Variants in TANK observed in about 807,000 individuals in gnomAD.
TANK encodes the protein TRAF family member associated NFKB activator, also known as TRAF family member-associated NF-kappa-B activator.
TANK carries 15 observed loss-of-function variants against 43.6 expected under a neutral mutation model. The ratio of observed to expected loss-of-function variants is 0.34; its 90% CI spans 0.23 to 0.53. The LOEUF is 0.53. TANK is among the 20% of genes least tolerant of loss of function. The pLI is 0.94. For missense variants in TANK, 417 were observed against 498.6 expected (o/e 0.84, Z 1.56); for synonymous variants, 162 against 178.2 (o/e 0.91, Z 0.73).
At chr2:161,220,833 C>G (rs1334328613) in intron 4 of TANK, among the ~76,000 whole-genome samples, 2 of 152,040 alleles carry the variant, frequency 1.3e-5, no homozygotes, top group African/African-American at 4.8e-5. Flanking sequence ...TCTAACATAT[C>G]CTAGAATGGG....
chr2:161,218,522 AC>A (rs1436490111), intron 4 of TANK, among the ~76,000 whole-genome samples: 2 of 152,204 alleles, frequency 1.3e-5, no homozygotes, highest in Non-Finnish European at 2.9e-5. Flanking sequence ...ATAATTAAAT[AC>A]GTAATTCAGA....
At chr2:161,190,018 G>A (rs1290498338) in intron 2 of TANK, among the ~76,000 whole-genome samples, 6 of 152,102 alleles carry the variant, frequency 3.9e-5, no homozygotes, top group Non-Finnish European at 8.8e-5. Flanking sequence ...GTGCGTCAAA[G>A]GGCACTATCA....
chr2:161,206,452 G>C (rs1686657588), intron 4 of TANK, among the ~76,000 whole-genome samples: 1 of 152,046 alleles, frequency 6.6e-6, no homozygotes. Context: ...TTCAGTTACT[G>C]ATTGCATAAC....
chr2:161,174,589 G>A (rs1313150450), intron 1 of TANK, among the ~76,000 whole-genome samples: 3 of 152,164 alleles, frequency 2.0e-5, no homozygotes, highest in Non-Finnish European at 4.4e-5. Flanking sequence ...TTTATGTTGT[G>A]TATAGTTTGG....
In TANK at chr2:161,183,247, A is replaced by G. The variant is rs545741786; in HGVS notation, c.99+3486A>G. On this transcript the variant is annotated intron_variant, in intron 2 of 7. Coordinates refer to ENST00000392749, the MANE Select transcript of TANK (RefSeq NM_001199135.3). ...AAGAATACTCCATTATGGAATACCT[A>G]TGAATACTTATGGACTGTAAGTCTT... Among the ~76,000 whole-genome samples, 17 of 152,312 alleles carry G rather than the reference A, an allele frequency of 1.1e-4. No individual in the cohort carries two copies. The East Asian group carries it at 1.2e-3, about 10-fold the overall frequency.
chr2:161,231,791 A>T (rs1687921663), intron 7 of TANK, among the ~76,000 whole-genome samples: 1 of 152,258 alleles, frequency 6.6e-6, no homozygotes, highest in South Asian at 2.1e-4. Flanking sequence ...ATACATGTTA[A>T]GCCTTATCCA....
intron 4 of TANK, among the ~76,000 whole-genome samples, chr2:161,205,905 G>A (rs907138649): frequency 6.6e-6 from 1 of 152,186 alleles, no homozygotes; most frequent in Non-Finnish European, 1.5e-5. Flanking sequence ...CTGGGTTCAA[G>A]CAATTCTACA....
intron 2 of TANK, among the ~76,000 whole-genome samples, chr2:161,191,067 A>G (rs1459940483): frequency 6.6e-6 from 1 of 152,144 alleles, no homozygotes; most frequent in Non-Finnish European, 1.5e-5. Flanking sequence ...AGCTGTCTAT[A>G]CTCCACATCA....
intron 4 of TANK, among the ~76,000 whole-genome samples, chr2:161,213,013 A>G (rs1686960467): frequency 6.6e-6 from 1 of 152,248 alleles, no homozygotes; most frequent in South Asian, 2.1e-4. Flanking sequence ...CAAAGATCCC[A>G]TGATGAGAGA....
rs189954608 is a variant in TANK, at chr2:161,175,522, C to T, written c.-49-4092C>T. Among the ~76,000 whole-genome samples the T allele has an allele frequency of 3.9e-5, 6 of 152,198 alleles. No individual in the cohort carries two copies. The East Asian group carries it at 1.2e-3, about 29-fold the overall frequency. ...CATATGGTGCCTTACACATCATAAGCCAGCAAATACCTTGTTCTGATTGAA... is the reference window on the plus strand; with the variant it reads ...CATATGGTGCCTTACACATCATAAGTCAGCAAATACCTTGTTCTGATTGAA... On this transcript the variant is annotated intron_variant, in intron 1 of 7. Transcript: ENST00000392749.
At chr2:161,201,252 C>T in intron 2 of TANK, 1 of 961,538 alleles carries the variant, frequency 1.0e-6, no homozygotes, top group East Asian at 1.2e-4. Flanking sequence ...GCCATTGATC[C>T]ATTAATTTTT....
At chr2:161,213,618 A>C (rs1463299820) in intron 4 of TANK, among the ~76,000 whole-genome samples, 3 of 151,440 alleles carry the variant, frequency 2.0e-5, no homozygotes, top group Non-Finnish European at 4.4e-5. Context: ...AAAAAAAAGA[A>C]AATTTCTCTA....
chr2:161,161,094 C>T (rs761926826), intron 1 of TANK: 1 of 981,528 alleles, frequency 1.0e-6, no homozygotes, highest in Non-Finnish European at 1.4e-6. Context: ...CAGTGGGAAC[C>T]CAGGCGTTAG....
Position 161,161,231 on chromosome 2 carries a change from G to T in TANK, c.-50+745G>T, listed in dbSNP as rs1459885174. The T allele has an allele frequency of 3.2e-6, 5 of 1,544,196 alleles. No homozygotes were observed. The African/African-American group carries it at 5.5e-5, about 17-fold the overall frequency. ...TGTGCCTTTATTGTTATGCTATAAC[G>T]AGCAAAAGTAAAGCAGCCTTGCTAT... On this transcript the variant is annotated intron_variant, in intron 1 of 7. Coordinates refer to ENST00000392749, the MANE Select transcript of TANK (RefSeq NM_001199135.3).
chr2:161,230,134 C>T (rs944165053), intron 6 of TANK, among the ~76,000 whole-genome samples: 20 of 152,150 alleles, frequency 1.3e-4, no homozygotes, highest in Admixed American at 1.3e-4. Flanking sequence ...GGAAATACCA[C>T]CAAGTTTGTT....
intron 1 of TANK, among the ~76,000 whole-genome samples, chr2:161,167,171 C>A (rs1464993494): frequency 1.3e-5 from 2 of 152,236 alleles, no homozygotes; most frequent in South Asian, 4.1e-4. Context: ...AAAAAGTAGA[C>A]CTTACTAAAG....
intron 1 of TANK, among the ~76,000 whole-genome samples, chr2:161,141,700 A>G (rs1219195823): frequency 2.0e-5 from 3 of 152,062 alleles, no homozygotes; most frequent in Non-Finnish European, 4.4e-5. Context: ...CCAGGTGTAT[A>G]AGTACACATT....
intron 2 of TANK, 40 bp from the exon 3 acceptor site, chr2:161,203,447 T>G: frequency 7.6e-7 from 1 of 1,311,828 alleles, no homozygotes. Context: ...TGTTCATGTC[T>G]ATCAGTGAAT....
chr2:161,185,465 A>C (rs1685613748), intron 2 of TANK, among the ~76,000 whole-genome samples: 1 of 151,980 alleles, frequency 6.6e-6, no homozygotes, highest in African/African-American at 2.4e-5. Flanking sequence ...AGTGATAACT[A>C]GTGAGGTTTT....
Sources: allele counts gnomAD v4.1 joint callset (sites outside exome capture counted in the v4.1 genomes callset), GRCh38; gene constraint gnomAD v4.1.1; transcripts MANE v1.5; gene names NCBI Gene and HGNC (gene_info 2026-07-23, HGNC 2026-07-21).